The following HIGD1C variants were observed in gnomAD, a reference collection of about 807,000 sequenced individuals.
HIGD1C encodes the protein HIG1 hypoxia inducible domain family member 1C, also known as HIG1 domain family member 1C.
HIGD1C carries 11 observed loss-of-function variants against 13.1 expected under a neutral mutation model. The observed-to-expected ratio is 0.84, with a 90% CI of 0.53 to 1.39. The LOEUF is 1.39. Among genes scored for constraint, HIGD1C ranks in the 40% most tolerant of loss-of-function variants. The pLI is 0.00. For missense variants in HIGD1C, 110 were observed against 112.0 expected (o/e 0.98, Z 0.08); for synonymous variants, 36 against 37.7 (o/e 0.95, Z 0.17).
intron 2 of HIGD1C, among the ~76,000 whole-genome samples, chr12:50,969,631 G>A (rs2554858): frequency 0.098 from 14,860 of 151,596 alleles, 1,136 homozygotes; most frequent in African/African-American, 0.21. Context: ...CCTGGGAAGC[G>A]GAGGTTGCAG....
At chr12:50,972,381 G>A (rs1939784259), downstream of HIGD1C, among the ~76,000 whole-genome samples, 1 of 152,144 alleles carries the variant, frequency 6.6e-6, no homozygotes, top group Non-Finnish European at 1.5e-5. Flanking sequence ...ATCTATGCAT[G>A]AGAACCTACA....
intron 2 of HIGD1C, among the ~76,000 whole-genome samples, chr12:50,968,923 C>T (rs1939653278): frequency 6.6e-6 from 1 of 152,170 alleles, no homozygotes; most frequent in African/African-American, 2.4e-5. Flanking sequence ...AAGTGATCCT[C>T]CTCCCTTGGC....
chr12:50,954,708 A>C (rs1470225451), intron 1 of HIGD1C, among the ~76,000 whole-genome samples: 1 of 152,186 alleles, frequency 6.6e-6, no homozygotes, highest in Non-Finnish European at 1.5e-5. Flanking sequence ...CCTGGGTGAC[A>C]TAGTGAGACC....
chr12:50,959,636 G>A (rs940529953), intron 1 of HIGD1C, among the ~76,000 whole-genome samples: 7 of 150,704 alleles, frequency 4.6e-5, no homozygotes, highest in South Asian at 2.1e-4. Context: ...TATTTTTGTC[G>A]TTGTTGGTTT....
chr12:50,945,970 A>G, the HIGD1C span, among the ~76,000 whole-genome samples: 1 of 152,208 alleles, frequency 6.6e-6, no homozygotes, highest in Non-Finnish European at 1.5e-5. Flanking sequence ...GACAAAAACA[A>G]GAAATGGGGA....
chr12:50,954,855 TA>T (rs1454619941), intron 1 of HIGD1C, among the ~76,000 whole-genome samples: 1 of 152,142 alleles, frequency 6.6e-6, no homozygotes, highest in African/African-American at 2.4e-5. Flanking sequence ...AAGCTCTGAG[TA>T]AAAGCCTGGA....
chr12:50,933,453 A>G, the HIGD1C span, among the ~76,000 whole-genome samples: 1 of 152,192 alleles, frequency 6.6e-6, no homozygotes, highest in Non-Finnish European at 1.5e-5. Flanking sequence ...AGGACTATCA[A>G]CTCAAATTAG....
intron 2 of HIGD1C, among the ~76,000 whole-genome samples, chr12:50,968,604 C>T (rs1335637638): frequency 1.3e-5 from 2 of 151,992 alleles, no homozygotes; most frequent in East Asian, 1.9e-4. Context: ...GGCTGGAGTG[C>T]AATCTCAGCT....
intron 2 of HIGD1C, among the ~76,000 whole-genome samples, chr12:50,968,909 C>A (rs963943002): frequency 6.6e-6 from 1 of 151,926 alleles, no homozygotes; most frequent in African/African-American, 2.4e-5. Flanking sequence ...TAACTCCTGG[C>A]CTCAAGTGAT....
At chr12:50,950,801 C>T (rs571833034), upstream of HIGD1C, among the ~76,000 whole-genome samples, 42 of 151,672 alleles carry the variant, frequency 2.8e-4, no homozygotes, top group Admixed American at 9.9e-4. Context: ...CTCAGCCTCC[C>T]GAGTAGCTGG....
intron 1 of HIGD1C, among the ~76,000 whole-genome samples, chr12:50,957,263 C>T (rs1939132475): frequency 6.6e-6 from 1 of 151,154 alleles, no homozygotes; most frequent in African/African-American, 2.4e-5. Flanking sequence ...CAGGCTGGAG[C>T]GCAATAGCAC....
At chr12:50,964,180 T>G (rs1053651369) in intron 2 of HIGD1C, among the ~76,000 whole-genome samples, 2 of 152,212 alleles carry the variant, frequency 1.3e-5, no homozygotes, top group Admixed American at 1.3e-4. Context: ...ATAAATGCAT[T>G]CATATCAAAA....
chr12:50,969,702 C>CAAA lies in HIGD1C; in HGVS notation c.230-729_230-727dup, dbSNP rs757808017. ...GGGTGACAAGAGCAAGACTCCATCT[C>CAAA]AAAAAAAAAAAAACAAAAACAAAAC... On this transcript the variant is annotated intron_variant, in intron 2 of 2. Transcript: ENST00000398455. Among the ~76,000 whole-genome samples, 40 of 112,754 alleles carry CAAA rather than the reference C, an allele frequency of 3.5e-4. 1 individual carries two copies. Among genetic ancestry groups the CAAA allele is most frequent in the South Asian group, 1.4e-3 (5 of 3,510 alleles). 74.0% of individuals were successfully genotyped at this position (112,754 alleles called of 152,430 possible).
chr12:50,952,322 C>T (rs192512827), upstream of HIGD1C, among the ~76,000 whole-genome samples: 1 of 152,134 alleles, frequency 6.6e-6, no homozygotes, highest in African/African-American at 2.4e-5. Context: ...AATGCGGGTA[C>T]CAGACACACA....
At chr12:50,957,639 C>T (rs141105048) in intron 1 of HIGD1C, among the ~76,000 whole-genome samples, 4,168 of 151,444 alleles carry the variant, frequency 0.028, 84 homozygotes, top group Non-Finnish European at 0.04. Context: ...AATCCCAGCA[C>T]TTTGGGAGGC....
At chr12:50,954,088 T>C (rs1477292111) in exon 1 of HIGD1C, 1 of 1,594,842 alleles carries the variant, frequency 6.3e-7, no homozygotes, top group Non-Finnish European at 8.6e-7. Context: ...CCTTTGTCCC[T>C]ATAGGTAAGT....
At chr12:50,949,856 C>T (rs934130824), upstream of HIGD1C, among the ~76,000 whole-genome samples, 15 of 152,098 alleles carry the variant, frequency 9.9e-5, no homozygotes, top group African/African-American at 3.6e-4. Flanking sequence ...AACCACCACC[C>T]AAGGCAGGAA....
At chr12:50,971,543 A>G (rs1305880489), downstream of HIGD1C, among the ~76,000 whole-genome samples, 1 of 152,190 alleles carries the variant, frequency 6.6e-6, no homozygotes, top group African/African-American at 2.4e-5. Flanking sequence ...ACTGTAGAAA[A>G]CACAAGAAAC....
chr12:50,941,031 A>T, the HIGD1C span, among the ~76,000 whole-genome samples: 88 of 151,784 alleles, frequency 5.8e-4, no homozygotes, highest in African/African-American at 2.1e-3. Flanking sequence ...TTTTATTTTT[A>T]TTTTTTTACA....
Sources: allele counts gnomAD v4.1 joint callset (sites outside exome capture counted in the v4.1 genomes callset), GRCh38; gene constraint gnomAD v4.1.1; transcripts MANE v1.5; gene names NCBI Gene and HGNC (gene_info 2026-07-23, HGNC 2026-07-21).